BSN: variants seen among roughly 807,000 people sequenced by gnomAD.
BSN encodes the protein bassoon presynaptic cytomatrix protein.
In BSN, 57 loss-of-function variants were observed where a neutral mutation model predicts 264.8. That is an observed-to-expected ratio of 0.22 (90% CI 0.17 to 0.27). BSN has a LOEUF of 0.27. Among genes scored for constraint, BSN ranks in the 10% least tolerant of loss-of-function variants. The pLI, the probability that BSN is intolerant of heterozygous loss-of-function variation, is 1.00. For missense variants in BSN, 4,615 were observed against 5,232.5 expected, an observed-to-expected ratio of 0.88 and a Z score of 3.64; for synonymous variants, 2,059 against 2,137.3, an observed-to-expected ratio of 0.96 and a Z score of 1.01.
chr3:49,649,207 A>T (rs1342686898), intron 3 of BSN, among the ~76,000 whole-genome samples: 1 of 152,232 alleles, frequency 6.6e-6, no homozygotes, highest in Admixed American at 6.5e-5. Context: ...AAGTGAGGGT[A>T]CTGAGGTTGT....
At chr3:49,581,904 C>T (rs1385544956) in intron 1 of BSN, among the ~76,000 whole-genome samples, 3 of 152,052 alleles carry the variant, frequency 2.0e-5, no homozygotes, top group Non-Finnish European at 2.9e-5. Context: ...AACATATCCC[C>T]TGAGGATAAG....
intron 1 of BSN, among the ~76,000 whole-genome samples, chr3:49,575,611 A>G (rs1408492361): frequency 7.0e-6 from 1 of 142,006 alleles, no homozygotes; most frequent in African/African-American, 2.6e-5. Context: ...ATACATATAT[A>G]TGTGTATATA....
At chr3:49,575,437 A>AAT (rs564752072) in intron 1 of BSN, among the ~76,000 whole-genome samples, 2 of 146,250 alleles carry the variant, frequency 1.4e-5, no homozygotes, top group Non-Finnish European at 3.0e-5. Context: ...TATATATGTA[A>AAT]ATATATATGT....
chr3:49,629,401 C>T (rs949769354), intron 2 of BSN, among the ~76,000 whole-genome samples: 1 of 152,196 alleles, frequency 6.6e-6, no homozygotes, highest in Admixed American at 6.5e-5. Context: ...AGGCATGGGC[C>T]TGAGCCTGCT....
chr3:49,651,349 C>G lies in BSN; in HGVS notation c.1987-194C>G. The G allele has an allele frequency of 1.5e-6, 1 of 673,804 alleles. No homozygotes were observed. Among genetic ancestry groups the G allele is most frequent in the Non-Finnish European group, 2.4e-6 (1 of 416,032 alleles). 41.7% of individuals were successfully genotyped at this position (673,804 alleles called of 1,614,324 possible). The stretch of plus-strand genomic sequence containing the variant: ...TCTAGTAAAGTTTCTCTTTGAAGAC[C>G]AAGGGCTGGTTTGGGCTTGCCATGG... On this transcript the variant is annotated intron_variant, in intron 4 of 11. Coordinates refer to ENST00000296452, the MANE Select transcript of BSN (RefSeq NM_003458.4). The surrounding 1 kb of genome is among the most constrained non-coding windows in gnomAD (Gnocchi z 5.4).
chr3:49,610,414 C>A (rs973394494), intron 1 of BSN, among the ~76,000 whole-genome samples: 1 of 151,958 alleles, frequency 6.6e-6, no homozygotes, highest in Non-Finnish European at 1.5e-5. Context: ...AAAACCCCAT[C>A]TCTACTAAAA....
chr3:49,560,571 C>G (rs1009362475), intron 1 of BSN, among the ~76,000 whole-genome samples: 14 of 152,194 alleles, frequency 9.2e-5, no homozygotes, highest in African/African-American at 3.1e-4. Flanking sequence ...ACATGAGGCC[C>G]TCTGGGTAAG....
intron 2 of BSN, among the ~76,000 whole-genome samples, chr3:49,641,021 GA>G (rs1487978345): frequency 2.6e-5 from 4 of 152,056 alleles, no homozygotes; most frequent in Non-Finnish European, 4.4e-5. Context: ...AGACCAGAGA[GA>G]GGGGGAGGCT....
Position 49,655,379 on chromosome 3 carries a change from C to A in BSN, c.5823C>A (p.Phe1941Leu). 1 of 1,584,732 alleles carries A rather than the reference C, an allele frequency of 6.3e-7. No individual in the cohort carries two copies. Among genetic ancestry groups the A allele is most frequent in the Non-Finnish European group, 8.6e-7 (1 of 1,165,084 alleles). The change falls in exon 5 of 12, where the codon TTC (phenylalanine) becomes TTA (leucine). Residue 1941 changes from phenylalanine to leucine, a missense_variant. By Grantham distance (22) the Phe-to-Leu change is conservative. Transcript: ENST00000296452. Reference sequence around the variant, plus strand: ...CACCTGGCCAAAGCAGCAGCCCCTTCTATGGTCCCCGGGACCCTGAGCCTC... The same window carrying A: ...CACCTGGCCAAAGCAGCAGCCCCTTATATGGTCCCCGGGACCCTGAGCCTC... Reference protein sequence around the residue: ...AAPPGQSSSPFYGPRDPEPPE... With the variant: ...AAPPGQSSSPLYGPRDPEPPE...
rs1302679969 is a variant in BSN, at chr3:49,651,548, G to A, written c.1992G>A (p.Leu664=). The change falls in exon 5 of 12, where the codon CTG becomes CTA. Residue 664 remains leucine (L), a synonymous_variant. Transcript: ENST00000296452. This position sits in a 1 kb window ranked among gnomAD's most constrained non-coding sequence, Gnocchi z 5.4. ...EAPKGGEAED[L]VGKPYSQDAS... The stretch of plus-strand genomic sequence containing the variant: ...TGCTTTTCACCCTGCTGCAGGACCT[G>A]GTGGGCAAGCCTTACTCTCAGGATG... 6.4e-7 allele frequency: 1 copy of A among 1,559,288 alleles called. No homozygotes were observed. The highest frequency in any genetic ancestry group is 1.2e-5 in the South Asian group (1 of 81,748).
intron 1 of BSN, among the ~76,000 whole-genome samples, chr3:49,592,895 T>A (rs1334745675): frequency 6.6e-6 from 1 of 152,208 alleles, no homozygotes; most frequent in Non-Finnish European, 1.5e-5. Context: ...ATTTTTCTAG[T>A]TTTACTTGTA....
In BSN at chr3:49,655,559, C is replaced by T. The variant is rs760360093; in HGVS notation, c.6003C>T (p.Ile2001=). The change falls in exon 5 of 12, where the codon ATC becomes ATT. Residue 2001 remains isoleucine, a synonymous_variant. Transcript: ENST00000296452. ...GCCTCAACTACCATGCCCAGAGGATCGGGCAGCTCTTCCAGGGTCCTGGAC... is the reference window on the plus strand; with the variant it reads ...GCCTCAACTACCATGCCCAGAGGATTGGGCAGCTCTTCCAGGGTCCTGGAC... ...EAGLNYHAQR[I]GQLFQGPGRD... is the part of the protein sequence containing the mutation. 57 of 1,613,258 alleles carry T rather than the reference C, an allele frequency of 3.5e-5. No homozygotes were observed. Among genetic ancestry groups the T allele is most frequent in the South Asian group, 5.5e-5 (5 of 91,084 alleles).
chr3:49,660,572 G>A lies in BSN; in HGVS notation c.8727G>A (p.Leu2909=). The part of the protein sequence containing the change: ...SPPPEEAHLP[L]AGQASPQLYA... ...CTCCAGAGGAGGCTCACCTTCCCCT[G>A]GCTGGCCAGGCCTCCCCACAGCTGT... The change falls in exon 6 of 12, where the codon CTG becomes CTA. Residue 2909 remains leucine (L), a synonymous_variant. Coordinates refer to ENST00000296452, the MANE Select transcript of BSN (RefSeq NM_003458.4). The surrounding 1 kb of genome is among the most constrained non-coding windows in gnomAD (Gnocchi z 7.1). 2 of 1,605,974 alleles carry A rather than the reference G, an allele frequency of 1.2e-6. No homozygotes were observed. Among genetic ancestry groups the A allele is most frequent in the Non-Finnish European group, 1.7e-6 (2 of 1,174,864 alleles).
Position 49,660,445 on chromosome 3 carries a change from A to T in BSN, c.8641-41A>T. On this transcript the variant is annotated intron_variant, in intron 5 of 11. Coordinates refer to ENST00000296452, the MANE Select transcript of BSN (RefSeq NM_003458.4). This position sits in a 1 kb window ranked among gnomAD's most constrained non-coding sequence, Gnocchi z 7.1. Reference sequence around the variant, plus strand: ...ACCCCACACCCCATCAAGTCACCACACCTTGGGTCTCAGTGCTGCCCACCC... The same window carrying T: ...ACCCCACACCCCATCAAGTCACCACTCCTTGGGTCTCAGTGCTGCCCACCC... The T allele has an allele frequency of 3.3e-6, 5 of 1,515,104 alleles. No individual in the cohort carries two copies. Among genetic ancestry groups the T allele is most frequent in the Non-Finnish European group, 4.4e-6 (5 of 1,132,724 alleles). The allele number at this position is 1,515,104 out of a possible 1,614,324, so 93.9% of individuals were successfully genotyped here.
At chr3:49,617,320 A>ATATATATATATATAT (rs1553663322) in intron 1 of BSN, among the ~76,000 whole-genome samples, 2 of 119,818 alleles carry the variant, frequency 1.7e-5, no homozygotes, top group African/African-American at 3.2e-5. Flanking sequence ...TATATATATA[A>ATATATATATATATAT]TTTTATAATT....
Position 49,654,215 on chromosome 3 carries a change from G to A in BSN, c.4659G>A (p.Glu1553=). 2 of 1,613,822 alleles carry A rather than the reference G, an allele frequency of 1.2e-6. No homozygotes were observed. The highest frequency in any genetic ancestry group is 2.2e-5 in the East Asian group (1 of 44,872). ...PRLVWQESSQ[E]APFMVITLAS... ...TGGTGTGGCAGGAGTCCTCTCAAGA[G>A]GCTCCCTTTATGGTCATCACGCTGG... Residue 1553 remains glutamate (E), a synonymous_variant, in exon 5 of 12, where the codon GAG becomes GAA. Transcript: ENST00000296452. This position sits in a 1 kb window ranked among gnomAD's most constrained non-coding sequence, Gnocchi z 4.1.
intron 2 of BSN, among the ~76,000 whole-genome samples, chr3:49,630,068 G>A (rs566370014): frequency 1.3e-5 from 2 of 152,250 alleles, no homozygotes; most frequent in Non-Finnish European, 1.5e-5. Flanking sequence ...TTTCCGGCAA[G>A]GGCCAGGGCT....
intron 2 of BSN, among the ~76,000 whole-genome samples, chr3:49,629,957 AC>A (rs1374022019): frequency 6.6e-6 from 1 of 152,208 alleles, no homozygotes; most frequent in Admixed American, 6.5e-5. Context: ...CCAATGGCAA[AC>A]CATGAGCCTA....
intron 9 of BSN, 93 bp from the exon 10 acceptor site, chr3:49,664,702 CCCTT>C (rs1315398811): frequency 6.3e-7 from 1 of 1,575,300 alleles, no homozygotes; most frequent in African/African-American, 1.3e-5. Flanking sequence ...CAATCTCTGC[CCCTT>C]GGGCTGAGCT....
Sources: gnomAD v4.1 joint callset for allele counts (sites outside exome capture counted in the v4.1 genomes callset) on GRCh38, gnomAD v4.1.1 for gene constraint, Gnocchi (gnomAD v3.1) non-coding constraint, MANE v1.5 for transcripts, NCBI Gene and HGNC (gene_info 2026-07-23, HGNC 2026-07-21) for gene names.